Variants in FHIT observed in about 807,000 individuals in gnomAD.
FHIT encodes fragile histidine triad diadenosine triphosphatase.
FHIT carries 19 observed loss-of-function variants against 17.9 expected under a neutral mutation model. That is an observed-to-expected ratio of 1.06 (90% CI 0.74 to 1.56). FHIT has a LOEUF of 1.56. Ranked by LOEUF, FHIT falls within the 40% of genes most tolerant of loss-of-function variation. The pLI is 0.00. For missense variants in FHIT, 248 were observed against 189.2 expected (o/e 1.31, Z -1.82); for synonymous variants, 81 against 69.7 (o/e 1.16, Z -0.81).
At chr3:60,206,995 G>A (rs213317) in intron 5 of FHIT, among the ~76,000 whole-genome samples, 2 of 152,134 alleles carry the variant, frequency 1.3e-5, no homozygotes, top group Admixed American at 6.5e-5. Flanking sequence ...ATATATGTGT[G>A]TGAAAACATA....
chr3:59,953,408 C>T (rs1196945184), intron 7 of FHIT, among the ~76,000 whole-genome samples: 1 of 152,012 alleles, frequency 6.6e-6, no homozygotes, highest in African/African-American at 2.4e-5. Context: ...TAGGGCTCTG[C>T]AAAACACTTA....
intron 7 of FHIT, among the ~76,000 whole-genome samples, chr3:59,952,280 C>A (rs559700924): frequency 6.6e-6 from 1 of 152,252 alleles, no homozygotes; most frequent in East Asian, 1.9e-4. Flanking sequence ...TCTATAAGAC[C>A]ACCCACACTG....
intron 1 of FHIT, among the ~76,000 whole-genome samples, chr3:61,218,085 A>G (rs1310009628): frequency 6.6e-6 from 1 of 152,256 alleles, no homozygotes; most frequent in Middle Eastern, 3.4e-3. Flanking sequence ...GACTGTAGCT[A>G]AGAGGGGAGG....
intron 5 of FHIT, among the ~76,000 whole-genome samples, chr3:60,287,898 T>C (rs1707801475): frequency 1.4e-5 from 2 of 147,146 alleles, no homozygotes; most frequent in African/African-American, 5.1e-5. Context: ...GTATCAGTTA[T>C]CTATTGCTAC....
chr3:60,107,592 C>T (rs1003266108), intron 5 of FHIT, among the ~76,000 whole-genome samples: 17 of 152,074 alleles, frequency 1.1e-4, no homozygotes, highest in African/African-American at 4.1e-4. Context: ...TTGCTCTATC[C>T]CATTAGAAAG....
intron 5 of FHIT, among the ~76,000 whole-genome samples, chr3:60,240,224 C>A (rs1705056940): frequency 1.3e-5 from 2 of 152,114 alleles, no homozygotes. Flanking sequence ...GGACTGCTTT[C>A]TGATTCTTCT....
intron 5 of FHIT, among the ~76,000 whole-genome samples, chr3:60,115,786 TA>T (rs1384306039): frequency 6.6e-6 from 1 of 152,116 alleles, no homozygotes; most frequent in African/African-American, 2.4e-5. Context: ...TAGTAAAGTA[TA>T]AAAAAGTAGA....
At chr3:61,170,931 AT>A (rs915311530) in intron 2 of FHIT, among the ~76,000 whole-genome samples, 10 of 152,176 alleles carry the variant, frequency 6.6e-5, no homozygotes, top group Non-Finnish European at 1.3e-4. Context: ...ACCCAAAAAA[AT>A]CCCATTGGTA....
At chr3:60,473,697 T>C (rs948432195) in intron 5 of FHIT, among the ~76,000 whole-genome samples, 1 of 152,260 alleles carries the variant, frequency 6.6e-6, no homozygotes, top group Admixed American at 6.5e-5. Context: ...GGTTGGTAGA[T>C]TGCCTCAGCT....
intron 5 of FHIT, among the ~76,000 whole-genome samples, chr3:60,078,831 A>C (rs755269928): frequency 3.9e-5 from 6 of 152,144 alleles, no homozygotes; most frequent in Admixed American, 3.3e-4. Flanking sequence ...ATATAATGGA[A>C]GTAAGTAAAG....
At chr3:60,398,868 A>G (rs920145652) in intron 5 of FHIT, among the ~76,000 whole-genome samples, 1 of 93,828 alleles carries the variant, frequency 1.1e-5, no homozygotes, top group Non-Finnish European at 2.2e-5. Flanking sequence ...ATGTGTTACA[A>G]GAAAATGTTT....
chr3:59,800,096 A>T (rs1189827458), intron 8 of FHIT, among the ~76,000 whole-genome samples: 1 of 152,250 alleles, frequency 6.6e-6, no homozygotes, highest in Non-Finnish European at 1.5e-5. Flanking sequence ...CTTTTCTGTT[A>T]CTTCGACAAT....
intron 8 of FHIT, among the ~76,000 whole-genome samples, chr3:59,849,539 T>C (rs1701852503): frequency 6.6e-6 from 1 of 152,046 alleles, no homozygotes; most frequent in Non-Finnish European, 1.5e-5. Context: ...AACCCACAAA[T>C]ATATACAGCC....
chr3:60,714,519 G>A (rs1242706063), intron 4 of FHIT, among the ~76,000 whole-genome samples: 9 of 152,200 alleles, frequency 5.9e-5, no homozygotes, highest in Non-Finnish European at 1.2e-4. Flanking sequence ...TGACATGATT[G>A]TATATCTAGA....
Position 60,027,132 on chromosome 3 carries a change from C to G in FHIT, c.104-12980G>C, listed in dbSNP as rs930940988. Among the ~76,000 whole-genome samples, 586 of 120,338 alleles carry G rather than the reference C, an allele frequency of 4.9e-3. 12 individuals carry two copies. The highest frequency in any genetic ancestry group is 0.019 in the African/African-American group (557 of 29,098). The allele number at this position is 120,338 out of a possible 152,430, so 78.9% of individuals were successfully genotyped here. A position where few individuals can be genotyped will look rare whatever the true frequency, so the allele number is the denominator to read the frequency against. On this transcript the variant is annotated intron_variant, in intron 5 of 9. Transcript: ENST00000492590. Reference sequence around the variant, plus strand: ...AGACACACACACACACACACACACACACACACACACACACACAAAATTAGT... The same window carrying G: ...AGACACACACACACACACACACACAGACACACACACACACACAAAATTAGT...
intron 5 of FHIT, among the ~76,000 whole-genome samples, chr3:60,145,674 AACTG>A (rs1445691812): frequency 2.6e-5 from 4 of 152,200 alleles, no homozygotes; most frequent in Admixed American, 2.6e-4. Context: ...AGTTTGACTC[AACTG>A]ACTATTACCC....
intron 2 of FHIT, among the ~76,000 whole-genome samples, chr3:61,182,451 T>C (rs1353781434): frequency 6.6e-6 from 1 of 152,220 alleles, no homozygotes; most frequent in Non-Finnish European, 1.5e-5. Context: ...ATATCCCCAC[T>C]GTAAATATCC....
chr3:59,825,281 G>T (rs548160594), intron 8 of FHIT, among the ~76,000 whole-genome samples: 1 of 152,096 alleles, frequency 6.6e-6, no homozygotes, highest in South Asian at 2.1e-4. Flanking sequence ...TTTAATTTCA[G>T]ACCTTGTCAT....
intron 4 of FHIT, among the ~76,000 whole-genome samples, chr3:60,612,456 A>C (rs764719257): frequency 6.6e-6 from 1 of 152,206 alleles, no homozygotes; most frequent in Non-Finnish European, 1.5e-5. Context: ...GCAAAACAAA[A>C]ATACTCTTTT....
Sources: gnomAD v4.1 joint callset for allele counts (sites outside exome capture counted in the v4.1 genomes callset) on GRCh38, gnomAD v4.1.1 for gene constraint, MANE v1.5 for transcripts, NCBI Gene and HGNC (gene_info 2026-07-23, HGNC 2026-07-21) for gene names.